ACSM2A: variants seen among roughly 807,000 people sequenced by gnomAD.
ACSM2A encodes the protein acyl-CoA synthetase medium chain family member 2A.
ACSM2A carries 72 observed loss-of-function variants against 76.6 expected under a neutral mutation model. The ratio of observed to expected loss-of-function variants is 0.94; its 90% CI spans 0.78 to 1.14. The LOEUF (loss-of-function observed/expected upper bound fraction) is 1.14, where lower values mean the gene tolerates loss of function less well. Among genes scored for constraint, ACSM2A ranks in the 50% most tolerant of loss-of-function variants. The probability of loss-of-function intolerance (pLI) is 0.00; values close to 1 mark genes in which losing one functional copy is unlikely to be tolerated. For missense variants in ACSM2A, 684 were observed against 708.5 expected, an observed-to-expected ratio of 0.97 and a Z score of 0.39; for synonymous variants, 249 against 255.9, an observed-to-expected ratio of 0.97 and a Z score of 0.26.
At chr16:20,483,569 CAAAAAAAAA>C (rs60606533) in intron 13 of ACSM2A, among the ~76,000 whole-genome samples, 21 of 32,212 alleles carry the variant, frequency 6.5e-4, no homozygotes, top group Non-Finnish European at 9.0e-4. Flanking sequence ...GACTCTGTCT[CAAAAAAAAA>C]AAAAAAAAAA....
chr16:20,460,143 T>G lies in ACSM2A; in HGVS notation c.29T>G (p.Leu10Arg), dbSNP rs192229205. Reference protein sequence around the residue: MHWLRKVQGLCTLWGTQMSS... With the variant: MHWLRKVQGRCTLWGTQMSS... Reference sequence around the variant, plus strand: ...CATTGGCTGCGAAAAGTTCAGGGACTTTGCACCCTGTGGGGTACTCAGATG... The same window carrying G: ...CATTGGCTGCGAAAAGTTCAGGGACGTTGCACCCTGTGGGGTACTCAGATG... Residue 10 changes from leucine to arginine, a missense_variant, in exon 2 of 14, where the codon CTT (leucine) becomes CGT (arginine). Physicochemically the swap from Leu to Arg is moderately radical, Grantham distance 102. Transcript: ENST00000573854. The G allele has an allele frequency of 6.2e-7, 1 of 1,612,454 alleles. No homozygotes were observed. The highest frequency in any genetic ancestry group is 1.7e-5 in the Admixed American group (1 of 59,840).
chr16:20,478,121 A>G (rs1446059668), intron 9 of ACSM2A, among the ~76,000 whole-genome samples: 1 of 152,248 alleles, frequency 6.6e-6, no homozygotes, highest in African/African-American at 2.4e-5. Flanking sequence ...CTTTCTTAGT[A>G]TCTTATTTCA....
intron 2 of ACSM2A, among the ~76,000 whole-genome samples, chr16:20,461,326 T>G (rs1489872736): frequency 6.6e-6 from 1 of 151,904 alleles, no homozygotes; most frequent in East Asian, 1.9e-4. Flanking sequence ...ATTTTAAAAT[T>G]GAAAATTTTC....
intron 5 of ACSM2A, 75 bp from the exon 6 acceptor site, chr16:20,471,461 C>G (rs977988763): frequency 6.5e-7 from 1 of 1,539,252 alleles, no homozygotes; most frequent in African/African-American, 1.4e-5. Context: ...CCCTTTCCTC[C>G]CCTACACCTT....
chr16:20,477,957 C>T (rs13337142), intron 9 of ACSM2A, among the ~76,000 whole-genome samples: 4,151 of 152,142 alleles, frequency 0.027, 189 homozygotes, highest in African/African-American at 0.094. Context: ...AGTTTTATTG[C>T]TTTCTCTTGT....
Position 20,480,830 on chromosome 16 carries a change from T to C in ACSM2A, c.1418T>C (p.Ile473Thr). The C allele has an allele frequency of 6.2e-7, 1 of 1,613,854 alleles. No individual in the cohort carries two copies. The highest frequency in any genetic ancestry group is 8.5e-7 in the Non-Finnish European group (1 of 1,179,852). ...GACAGGTTCTTCTGCAGGTACCGGA[T>C]TGGACCCTCGGAGGTAGAGAATGCA... ...NDIINSSGYRIGPSEVENALM... is the reference protein window; with the variant it reads ...NDIINSSGYRTGPSEVENALM... The change falls in exon 12 of 14, where the codon ATT becomes ACT. Residue 473 changes from isoleucine (I) to threonine (T), a missense_variant. Physicochemically the swap from Ile to Thr is moderately conservative, Grantham distance 89. This residue lies in a region of ACSM2A where 159 missense variants were observed against 132.5 expected (regional missense o/e 1.20). Coordinates refer to ENST00000573854, the MANE Select transcript of ACSM2A (RefSeq NM_001308172.2).
At chr16:20,458,722 C>T (rs964086443) in intron 1 of ACSM2A, among the ~76,000 whole-genome samples, 22 of 136,868 alleles carry the variant, frequency 1.6e-4, no homozygotes, top group African/African-American at 5.1e-4. Flanking sequence ...CCATGAAGTC[C>T]GTATGGTATG....
intron 13 of ACSM2A, among the ~76,000 whole-genome samples, chr16:20,485,605 C>A (rs902743091): frequency 6.6e-6 from 1 of 152,166 alleles, no homozygotes; most frequent in East Asian, 1.9e-4. Context: ...TTCAATGAAA[C>A]TTTATTGATA....
chr16:20,469,639 T>C lies in ACSM2A; in HGVS notation c.516T>C (p.Ser172=), dbSNP rs1299525873. Residue 172 remains serine (S), a synonymous_variant, in exon 4 of 14, where the codon TCT becomes TCC. Coordinates refer to ENST00000573854, the MANE Select transcript of ACSM2A (RefSeq NM_001308172.2). The part of the protein sequence containing the change: ...EVIQEVDTVA[S]ECPSLRIKLL... ...TCCAAGAAGTGGACACAGTGGCATC[T>C]GAATGTCCTTCTCTGAGAATTAAGC... The C allele has an allele frequency of 6.2e-7, 1 of 1,613,806 alleles. No homozygotes were observed. The highest frequency in any genetic ancestry group is 8.5e-7 in the Non-Finnish European group (1 of 1,179,836).
intron 8 of ACSM2A, 120 bp downstream of exon 8, chr16:20,475,893 C>A: frequency 6.5e-7 from 1 of 1,539,922 alleles, no homozygotes. Context: ...ATTTATTGAG[C>A]CTCTATGAAG....
chr16:20,479,307 A>T (rs2013951430), intron 10 of ACSM2A, among the ~76,000 whole-genome samples: 1 of 152,196 alleles, frequency 6.6e-6, no homozygotes. Context: ...ATCAAATAAT[A>T]ATAGTTTCTA....
rs189247415 is a variant in ACSM2A, at chr16:20,486,510, T to C, written c.1630-64T>C. On this transcript the variant is annotated intron_variant, in intron 13 of 13. Coordinates refer to ENST00000573854, the MANE Select transcript of ACSM2A (RefSeq NM_001308172.2). ...GAACTTCCCCTCACCCTACAGCAGT[T>C]CTGAAAAATGCAACCCACTGTCGTC... 1.5e-5 allele frequency: 24 copies of C among 1,580,388 alleles called. No homozygotes were observed. In the African/African-American group the frequency reaches 2.8e-4, roughly 19 times the overall value.
Position 20,460,202 on chromosome 16 carries a change from C to A in ACSM2A, c.88C>A (p.Leu30Met), listed in dbSNP as rs758752395. The A allele has an allele frequency of 6.2e-7, 1 of 1,613,468 alleles. No homozygotes were observed. Among genetic ancestry groups the A allele is most frequent in the African/African-American group, 1.3e-5 (1 of 74,894 alleles). Residue 30 changes from leucine to methionine, a missense_variant, in exon 2 of 14, where the codon CTG becomes ATG. Leu to Met is a conservative substitution (Grantham distance 15, BLOSUM62 2). Coordinates refer to ENST00000573854, the MANE Select transcript of ACSM2A (RefSeq NM_001308172.2). ...CACTCTCTACATTAATAGTAGGCAA[C>A]TGGTGTCCCTGCAGTGGGGCCACCA... is the stretch of plus-strand genomic sequence containing the variant. ...SRTLYINSRQ[L>M]VSLQWGHQEV... is the part of the protein sequence containing the mutation.
At position 20,465,816 on chromosome 16, in the gene ACSM2A, T is replaced by C. The variant is rs889388225; in HGVS notation, c.388+89T>C. On this transcript the variant is annotated intron_variant, in intron 3 of 13. Coordinates refer to ENST00000573854, the MANE Select transcript of ACSM2A (RefSeq NM_001308172.2). ...ATGCAGCCACCTCTCTCAAAAGAAG[T>C]CTCCTCCTTGGAGCATGCTGTCCTG... is the stretch of plus-strand genomic sequence containing the variant. The C allele has an allele frequency of 2.0e-6, 3 of 1,517,402 alleles. No individual in the cohort carries two copies. The African/African-American group carries it at 4.1e-5, about 21-fold the overall frequency. 94.0% of individuals were successfully genotyped at this position (1,517,402 alleles called of 1,614,324 possible).
chr16:20,483,715 T>C (rs560477883), intron 13 of ACSM2A, among the ~76,000 whole-genome samples: 3 of 151,914 alleles, frequency 2.0e-5, no homozygotes, highest in African/African-American at 7.2e-5. Flanking sequence ...AGGGAATAAG[T>C]TCTAGCCAGT....
At chr16:20,475,975 A>T in intron 8 of ACSM2A, 1 of 1,297,962 alleles carries the variant, frequency 7.7e-7, no homozygotes, top group Non-Finnish European at 1.0e-6. Flanking sequence ...GGGAGATTAC[A>T]TTCCAGTGAG....
chr16:20,457,746 G>A (rs2012280174), intron 1 of ACSM2A, among the ~76,000 whole-genome samples: 1 of 151,964 alleles, frequency 6.6e-6, no homozygotes, highest in South Asian at 2.1e-4. Flanking sequence ...TTCCCTCTGA[G>A]AACTAGAACA....
intron 1 of ACSM2A, among the ~76,000 whole-genome samples, chr16:20,458,303 T>A (rs1285111227): frequency 1.4e-5 from 2 of 147,722 alleles, no homozygotes; most frequent in South Asian, 2.1e-4. Context: ...AGAAAAAAAA[T>A]CCAAAAATAT....
intron 9 of ACSM2A, among the ~76,000 whole-genome samples, chr16:20,477,880 T>C (rs1394676): frequency 0.4 from 61,471 of 151,998 alleles, 14,375 homozygotes; most frequent in East Asian, 0.79. Context: ...TGCCTTTTAT[T>C]GGACCAAGGG....
Sources: gnomAD v4.1 joint callset for allele counts (sites outside exome capture counted in the v4.1 genomes callset) on GRCh38, gnomAD v4.1.1 for gene constraint, gnomAD v4.1.1 regional missense constraint, MANE v1.5 for transcripts, NCBI Gene and HGNC (gene_info 2026-07-23, HGNC 2026-07-21) for gene names.